Variants in AKAP13 observed in about 807,000 individuals in gnomAD.
The protein encoded by AKAP13 is A-kinase anchoring protein 13, also known as A-kinase anchor protein 13.
A neutral mutation model predicts 264.5 loss-of-function variants in AKAP13; 80 were observed. The observed-to-expected ratio is 0.30, with a 90% CI of 0.25 to 0.36. AKAP13 has a LOEUF of 0.36. Ranked by LOEUF, AKAP13 falls within the 10% of genes least tolerant of loss-of-function variation. AKAP13 has a pLI of 1.00. For synonymous variants in AKAP13, 1,380 were observed against 1,250.2 expected (o/e 1.10, Z -2.19); for missense variants, 3,712 against 3,435.2 (o/e 1.08, Z -2.01).
At chr15:85,524,092 C>T (rs1467047461) in intron 3 of AKAP13, among the ~76,000 whole-genome samples, 1 of 152,214 alleles carries the variant, frequency 6.6e-6, no homozygotes, top group Non-Finnish European at 1.5e-5. Flanking sequence ...TGTCTCTGCA[C>T]TCTTTGTGCT....
At chr15:85,477,297 A>G (rs1158565291) in intron 1 of AKAP13, among the ~76,000 whole-genome samples, 1 of 151,812 alleles carries the variant, frequency 6.6e-6, no homozygotes. Context: ...ACAAGCAGAG[A>G]CAGGCACATT....
At chr15:85,683,885 C>T in intron 15 of AKAP13, among the ~76,000 whole-genome samples, 1 of 152,208 alleles carries the variant, frequency 6.6e-6, no homozygotes, top group Admixed American at 6.5e-5. Flanking sequence ...ACTGAATCTA[C>T]ATAAAACTCC....
intron 8 of AKAP13, among the ~76,000 whole-genome samples, chr15:85,626,842 C>T (rs10444873): frequency 6.6e-6 from 1 of 152,038 alleles, no homozygotes; most frequent in Admixed American, 6.6e-5. Flanking sequence ...TCCGCAGTGC[C>T]TGCACCATTT....
At chr15:85,382,901 C>G (rs1161779703) in intron 1 of AKAP13, among the ~76,000 whole-genome samples, 1 of 152,212 alleles carries the variant, frequency 6.6e-6, no homozygotes, top group African/African-American at 2.4e-5. Context: ...TCCAGAATGA[C>G]AGTTCACTTG....
intron 1 of AKAP13, among the ~76,000 whole-genome samples, chr15:85,411,920 G>A (rs2071989761): frequency 6.6e-6 from 1 of 152,174 alleles, no homozygotes; most frequent in Non-Finnish European, 1.5e-5. Context: ...GTGAAAATCA[G>A]AAGTTTGGAA....
At position 85,669,774 on chromosome 15, in the gene AKAP13, C is replaced by T. The variant is rs200617401; in HGVS notation, c.5045C>T (p.Ser1682Phe). Residue 1682 changes from serine to phenylalanine, a missense_variant, in exon 14 of 37, where the codon TCC becomes TTC. Ser to Phe is a radical substitution (Grantham distance 155, BLOSUM62 -2). Coordinates refer to ENST00000394518, the MANE Select transcript of AKAP13 (RefSeq NM_007200.5). ...TTTAATTACTGTACATCAGCCATTT[C>T]CTCTCCATTGACAAAATCCATCTCA... is the stretch of plus-strand genomic sequence containing the variant. The part of the protein sequence containing the change: ...QGFNYCTSAI[S>F]SPLTKSISLM... 1.9e-6 allele frequency: 3 copies of T among 1,613,726 alleles called. No individual in the cohort carries two copies. The highest frequency in any genetic ancestry group is 2.2e-5 in the East Asian group (1 of 44,832).
intron 2 of AKAP13, among the ~76,000 whole-genome samples, chr15:85,486,461 T>G (rs2075548656): frequency 1.3e-5 from 2 of 152,178 alleles, no homozygotes; most frequent in Admixed American, 1.3e-4. Context: ...CTTTTTTCTT[T>G]TGCATGTGGA....
At chr15:85,497,035 A>G (rs1216819263) in intron 2 of AKAP13, among the ~76,000 whole-genome samples, 1 of 152,226 alleles carries the variant, frequency 6.6e-6, no homozygotes, top group African/African-American at 2.4e-5. Flanking sequence ...TACAAAGGTC[A>G]AAGACTTTTC....
At chr15:85,552,272 A>G (rs1023298187) in intron 5 of AKAP13, among the ~76,000 whole-genome samples, 1 of 152,326 alleles carries the variant, frequency 6.6e-6, no homozygotes, top group Admixed American at 6.5e-5. Flanking sequence ...TTGTCCTGGC[A>G]CATCAGTAAG....
chr15:85,673,666 C>CTTTTTTTTTTTTTTTTT lies in AKAP13; in HGVS notation c.5101+3846_5101+3862dup, dbSNP rs386383664. Among the ~76,000 whole-genome samples the CTTTTTTTTTTTTTTTTT allele has an allele frequency of 5.4e-4, 42 of 77,556 alleles. 5 individuals carry two copies. The highest frequency in any genetic ancestry group is 2.5e-3 in the South Asian group (4 of 1,570). The allele number at this position is 77,556 out of a possible 152,430, so 50.9% of individuals were successfully genotyped here. On this transcript the variant is annotated intron_variant, in intron 14 of 36. Coordinates refer to ENST00000394518, the MANE Select transcript of AKAP13 (RefSeq NM_007200.5). ...TTACAGATGATCCCTTTCTTTCTTT[C>CTTTTTTTTTTTTTTTTT]TTTTTTTTTTTTTTTTTTTTTTTTT... is the stretch of plus-strand genomic sequence containing the variant.
chr15:85,498,322 A>G (rs1229549570), intron 2 of AKAP13, among the ~76,000 whole-genome samples: 1 of 151,858 alleles, frequency 6.6e-6, no homozygotes, highest in African/African-American at 2.4e-5. Flanking sequence ...GTAAAGTTAC[A>G]TTGTGTGGCT....
intron 1 of AKAP13, among the ~76,000 whole-genome samples, chr15:85,461,155 G>A (rs1201481338): frequency 6.6e-6 from 1 of 151,810 alleles, no homozygotes; most frequent in African/African-American, 2.4e-5. Context: ...TCTCTCTGTC[G>A]CCCAGGCTGG....
At position 85,443,501 on chromosome 15, in the gene AKAP13, T is replaced by A. The variant is rs369056932; in HGVS notation, c.-11-42209T>A. Reference sequence around the variant, plus strand: ...GGATCCTTCTGTGGTGTATCAGCATTCCTTATTATTATTATTTGTTTTTGT... The same window carrying A: ...GGATCCTTCTGTGGTGTATCAGCATACCTTATTATTATTATTTGTTTTTGT... On this transcript the variant is annotated intron_variant, in intron 1 of 36. Transcript: ENST00000394518. 1.4e-4 allele frequency among the ~76,000 whole-genome samples: 21 copies of A among 152,278 alleles called. No individual in the cohort carries two copies. In the East Asian group the frequency reaches 3.5e-3, roughly 25 times the overall value.
intron 8 of AKAP13, among the ~76,000 whole-genome samples, chr15:85,631,805 A>G (rs746230576): frequency 6.6e-6 from 1 of 152,218 alleles, no homozygotes; most frequent in South Asian, 2.1e-4. Context: ...CTTTTTATGT[A>G]TACTATTTTT....
chr15:85,650,107 A>T (rs2082734246), intron 10 of AKAP13, among the ~76,000 whole-genome samples: 1 of 149,574 alleles, frequency 6.7e-6, no homozygotes, highest in African/African-American at 2.5e-5. Context: ...AAAATTACTT[A>T]AAAAAAAACA....
chr15:85,388,039 C>CT (rs59619317), intron 1 of AKAP13, among the ~76,000 whole-genome samples: 30,515 of 143,718 alleles, frequency 0.21, 4,636 homozygotes, highest in East Asian at 0.63. Context: ...CTTTCATTTC[C>CT]TTTTTTTTTT....
intron 8 of AKAP13, among the ~76,000 whole-genome samples, chr15:85,591,206 C>T (rs1366914556): frequency 2.6e-5 from 3 of 113,602 alleles, no homozygotes; most frequent in African/African-American, 1.0e-4. Flanking sequence ...TGGACTAGAA[C>T]CCAATTTCTA....
chr15:85,673,451 A>T (rs1012706526), intron 14 of AKAP13, among the ~76,000 whole-genome samples: 4 of 152,084 alleles, frequency 2.6e-5, no homozygotes, highest in Non-Finnish European at 5.9e-5. Context: ...TGGCTGTGTC[A>T]TGAGGCTTGG....
At chr15:85,617,264 A>T (rs925310412) in intron 8 of AKAP13, among the ~76,000 whole-genome samples, 1 of 152,028 alleles carries the variant, frequency 6.6e-6, no homozygotes, top group Non-Finnish European at 1.5e-5. Context: ...TTGTTTTTTG[A>T]GGCGGAGTCT....
Sources: gnomAD v4.1 joint callset for allele counts (sites outside exome capture counted in the v4.1 genomes callset) on GRCh38, gnomAD v4.1.1 for gene constraint, MANE v1.5 for transcripts, NCBI Gene and HGNC (gene_info 2026-07-23, HGNC 2026-07-21) for gene names.